The following LRP1B variants were observed in gnomAD, a reference collection of about 807,000 sequenced individuals.
The protein encoded by LRP1B is low-density lipoprotein receptor-related protein 1B.
LRP1B carries 217 observed loss-of-function variants against 556.6 expected under a neutral mutation model. The ratio of observed to expected loss-of-function variants is 0.39; its 90% CI spans 0.35 to 0.44. The LOEUF (loss-of-function observed/expected upper bound fraction) is 0.44. Among genes scored for constraint, LRP1B ranks in the 20% least tolerant of loss-of-function variants. The probability of loss-of-function intolerance (pLI) is 1.00; values close to 1 mark genes in which losing one functional copy is unlikely to be tolerated. For missense variants in LRP1B, 5,053 were observed against 5,620.8 expected, an observed-to-expected ratio of 0.90 and a Z score of 3.23; for synonymous variants, 2,047 against 1,865.8, an observed-to-expected ratio of 1.10 and a Z score of -2.50.
At chr2:141,378,140 G>A (rs1414715260) in intron 3 of LRP1B, among the ~76,000 whole-genome samples, 2 of 152,014 alleles carry the variant, frequency 1.3e-5, no homozygotes, top group Non-Finnish European at 2.9e-5. Flanking sequence ...CTTGAAGAAA[G>A]GAAATAATCT....
chr2:140,923,218 G>T (rs2105259293), intron 20 of LRP1B, 71 bp from the exon 21 acceptor site: 1 of 1,226,374 alleles, frequency 8.2e-7, no homozygotes, highest in Non-Finnish European at 1.1e-6. Context: ...TTTACTTGTT[G>T]GTAGTTTTTA....
chr2:140,432,999 C>T (rs1341199837), intron 66 of LRP1B, among the ~76,000 whole-genome samples: 1 of 152,178 alleles, frequency 6.6e-6, no homozygotes, highest in African/African-American at 2.4e-5. Context: ...ATATATGCTA[C>T]TAAGTGTTAT....
intron 3 of LRP1B, among the ~76,000 whole-genome samples, chr2:141,471,820 T>G (rs72849042): frequency 0.33 from 50,266 of 152,122 alleles, 8,975 homozygotes; most frequent in Non-Finnish European, 0.4. Context: ...TTACTGTATT[T>G]CTATTGGCAC....
chr2:140,707,560 CTATA>C, intron 37 of LRP1B, among the ~76,000 whole-genome samples: 1 of 152,126 alleles, frequency 6.6e-6, no homozygotes, highest in South Asian at 2.1e-4. Context: ...ACTGAATACT[CTATA>C]AGTCAACATG....
At chr2:141,512,746 T>A (rs1684175759) in intron 2 of LRP1B, among the ~76,000 whole-genome samples, 1 of 151,632 alleles carries the variant, frequency 6.6e-6, no homozygotes, top group Non-Finnish European at 1.5e-5. Flanking sequence ...ATACAGAGTA[T>A]CCTACACATA....
chr2:140,770,772 G>C (rs1327388414), intron 34 of LRP1B, 109 bp downstream of exon 34: 1 of 802,790 alleles, frequency 1.2e-6, no homozygotes, highest in Non-Finnish European at 1.9e-6. Context: ...CTAATAACTA[G>C]TTAATTTTTT....
At chr2:141,587,023 T>C (rs534728720) in intron 2 of LRP1B, among the ~76,000 whole-genome samples, 173 of 151,482 alleles carry the variant, frequency 1.1e-3, no homozygotes, top group Non-Finnish European at 2.0e-3. Flanking sequence ...TGTAAAACAT[T>C]ATCCATTTGC....
chr2:141,554,286 C>T (rs892695325), intron 2 of LRP1B, among the ~76,000 whole-genome samples: 1 of 143,500 alleles, frequency 7.0e-6, no homozygotes, highest in Non-Finnish European at 1.5e-5. Flanking sequence ...TAGGAATAGA[C>T]ATAGATATAG....
At chr2:140,502,819 T>C in intron 54 of LRP1B, 144 bp downstream of exon 54, 2 of 709,408 alleles carry the variant, frequency 2.8e-6, no homozygotes, top group Non-Finnish European at 4.5e-6. Context: ...AGTCAATTAC[T>C]AGTACCCTGC....
intron 41 of LRP1B, among the ~76,000 whole-genome samples, chr2:140,673,217 T>G (rs1685550790): frequency 6.6e-6 from 1 of 152,178 alleles, no homozygotes; most frequent in African/African-American, 2.4e-5. Flanking sequence ...AATACCAAAG[T>G]TCATTGCTTA....
At chr2:141,866,848 TAGAA>T (rs1015627696) in intron 1 of LRP1B, among the ~76,000 whole-genome samples, 4 of 135,290 alleles carry the variant, frequency 3.0e-5, no homozygotes, top group Admixed American at 2.2e-4. Flanking sequence ...GGAAAGGAAA[TAGAA>T]GGAGAGAAAA....
At chr2:141,346,249 A>C (rs1688254148) in intron 3 of LRP1B, among the ~76,000 whole-genome samples, 2 of 152,096 alleles carry the variant, frequency 1.3e-5, no homozygotes, top group South Asian at 4.1e-4. Flanking sequence ...GTGAGAAACA[A>C]ATTTTGTTTC....
At chr2:141,693,540 T>G (rs1691623597) in intron 2 of LRP1B, among the ~76,000 whole-genome samples, 1 of 152,008 alleles carries the variant, frequency 6.6e-6, no homozygotes, top group African/African-American at 2.4e-5. Flanking sequence ...TAATAGTAAT[T>G]CAAATTCTTC....
At chr2:141,974,631 G>A (rs532281042) in intron 1 of LRP1B, among the ~76,000 whole-genome samples, 3 of 152,040 alleles carry the variant, frequency 2.0e-5, no homozygotes, top group African/African-American at 7.2e-5. Flanking sequence ...AAAAACTACA[G>A]GAAAAGTACA....
At position 140,766,003 on chromosome 2, in the gene LRP1B, T is replaced by G. The variant is rs1049452297; in HGVS notation, c.5758+3210A>C. Among the ~76,000 whole-genome samples, 27 of 151,972 alleles carry G rather than the reference T, an allele frequency of 1.8e-4. No individual in the cohort carries two copies. In the Middle Eastern group the frequency reaches 0.017, roughly 96 times the overall value. Reference sequence around the variant, plus strand: ...CATTGTGCACATGTACCCTAAAACTTAAAGTATAATAACAATAAAATAAAA... The same window carrying G: ...CATTGTGCACATGTACCCTAAAACTGAAAGTATAATAACAATAAAATAAAA... On this transcript the variant is annotated intron_variant, in intron 35 of 90. Coordinates refer to ENST00000389484, the MANE Select transcript of LRP1B (RefSeq NM_018557.3).
rs2104934896 is a variant in LRP1B, at chr2:140,769,317, A to T, written c.5654T>A (p.Val1885Asp). 2 of 1,611,894 alleles carry T rather than the reference A, an allele frequency of 1.2e-6. No homozygotes were observed. Among genetic ancestry groups the T allele is most frequent in the Non-Finnish European group, 8.5e-7 (1 of 1,178,500 alleles). Residue 1885 changes from valine (V) to aspartate (D), a missense_variant, in exon 35 of 91, where the codon GTT (valine) becomes GAT (aspartate). Physicochemically the swap from Val to Asp is radical, Grantham distance 152. Around this residue, in one of 5 missense-constraint regions of LRP1B, gnomAD observed 3,619 missense variants for 3,931.9 expected, o/e 0.92. Transcript: ENST00000389484. Reference protein sequence around the residue: ...QGIESFLMYSVHEGIRGIPLE... With the variant: ...QGIESFLMYSDHEGIRGIPLE... ...AGGTATTCCCCTGATTCCTTCATGA[A>T]CAGAGTACATAAGAAATGATTCTAT...
At chr2:140,402,087 C>CCCACAGACA (rs1684527580) in intron 66 of LRP1B, among the ~76,000 whole-genome samples, 1 of 152,110 alleles carries the variant, frequency 6.6e-6, no homozygotes, top group Non-Finnish European at 1.5e-5. Flanking sequence ...GTGTGGGAGT[C>CCCACAGACA]TCACTGGATA....
At chr2:142,034,885 A>T (rs1220670741) in intron 1 of LRP1B, among the ~76,000 whole-genome samples, 1 of 151,758 alleles carries the variant, frequency 6.6e-6, no homozygotes, top group Non-Finnish European at 1.5e-5. Flanking sequence ...AATTTATCAG[A>T]TTTCTATTTA....
At chr2:142,034,954 GA>G (rs1438214274) in intron 1 of LRP1B, among the ~76,000 whole-genome samples, 1 of 151,624 alleles carries the variant, frequency 6.6e-6, no homozygotes, top group East Asian at 1.9e-4. Context: ...GAATTAATAT[GA>G]ATATTTGATA....
Sources: allele counts gnomAD v4.1 joint callset (sites outside exome capture counted in the v4.1 genomes callset), GRCh38; gene constraint gnomAD v4.1.1; regional missense constraint gnomAD v4.1.1; transcripts MANE v1.5; gene names NCBI Gene and HGNC (gene_info 2026-07-23, HGNC 2026-07-21).